Variants in ROBO1 observed in about 807,000 individuals in gnomAD.
ROBO1 encodes roundabout homolog 1.
In ROBO1, 149 loss-of-function variants were observed where a neutral mutation model predicts 195.9. That is an observed-to-expected ratio of 0.76 (90% confidence interval 0.67 to 0.87). ROBO1 has a LOEUF of 0.87. Ranked by LOEUF, ROBO1 falls within the 40% of genes least tolerant of loss-of-function variation. The pLI, the probability that ROBO1 is intolerant of heterozygous loss-of-function variation, is 0.00. For synonymous variants in ROBO1, 816 were observed against 733.2 expected (o/e 1.11, Z -1.82); for missense variants, 1,933 against 2,068.3 (o/e 0.93, Z 1.27).
intron 25 of ROBO1, among the ~76,000 whole-genome samples, chr3:78,629,528 C>T (rs1705044019): frequency 6.6e-6 from 1 of 151,850 alleles, no homozygotes; most frequent in South Asian, 2.1e-4. Context: ...ATCATCTCTA[C>T]AAAAAAATAA....
chr3:78,763,519 C>A (rs952879453), intron 4 of ROBO1, among the ~76,000 whole-genome samples: 1 of 152,156 alleles, frequency 6.6e-6, no homozygotes, highest in Non-Finnish European at 1.5e-5. Flanking sequence ...TAACTACATT[C>A]ACATGTGTTC....
intron 1 of ROBO1, among the ~76,000 whole-genome samples, chr3:79,642,027 T>C (rs1302478224): frequency 6.6e-6 from 1 of 152,086 alleles, no homozygotes; most frequent in Non-Finnish European, 1.5e-5. Context: ...TTGTTTTGTT[T>C]TTTGTTTTTT....
rs928725329 is a variant in ROBO1, at chr3:79,550,197, AAAAG to A, written c.88+39623_88+39626del. Among the ~76,000 whole-genome samples the A allele has an allele frequency of 1.0e-4, 2 of 19,298 alleles. 1 individual carries two copies. The highest frequency in any genetic ancestry group is 2.7e-4 in the Non-Finnish European group (2 of 7,506). The allele number at this position is 19,298 out of a possible 152,430, so 12.7% of individuals were successfully genotyped here. A position where few individuals can be genotyped will look rare whatever the true frequency, so the allele number is the denominator to read the frequency against. ...AAAGAAAGAAAGAAAGAAAGAAAGG[AAAAG>A]AAAAGAAAAGAAAAGAAAAGAAAAG... On this transcript the variant is annotated intron_variant, in intron 2 of 30. Transcript: ENST00000464233.
At chr3:79,396,356 A>T (rs1046800986) in intron 2 of ROBO1, among the ~76,000 whole-genome samples, 4 of 152,126 alleles carry the variant, frequency 2.6e-5, no homozygotes, top group African/African-American at 9.6e-5. Flanking sequence ...ATCTTTTGAT[A>T]TATTCTATAC....
intron 4 of ROBO1, among the ~76,000 whole-genome samples, chr3:78,911,343 G>A (rs979158328): frequency 2.6e-5 from 4 of 152,012 alleles, no homozygotes; most frequent in African/African-American, 7.2e-5. Context: ...AGTAATGTAT[G>A]GAGAATTCAG....
chr3:79,224,898 A>G (rs1337912451), intron 2 of ROBO1, among the ~76,000 whole-genome samples: 1 of 152,146 alleles, frequency 6.6e-6, no homozygotes, highest in Non-Finnish European at 1.5e-5. Flanking sequence ...AAATACGTAA[A>G]TCATATGGCA....
chr3:79,047,211 G>T (rs2078610922), intron 3 of ROBO1, among the ~76,000 whole-genome samples: 3 of 152,122 alleles, frequency 2.0e-5, no homozygotes, highest in Non-Finnish European at 1.5e-5. Flanking sequence ...GGAGAATGTA[G>T]CAACACTATT....
chr3:79,165,777 G>A (rs975719251), intron 2 of ROBO1, among the ~76,000 whole-genome samples: 1 of 152,158 alleles, frequency 6.6e-6, no homozygotes, highest in African/African-American at 2.4e-5. Context: ...GCTTGGATAG[G>A]CTTCAATCCC....
chr3:79,061,344 A>G (rs1376672913), intron 3 of ROBO1, among the ~76,000 whole-genome samples: 3 of 152,204 alleles, frequency 2.0e-5, no homozygotes, highest in Admixed American at 6.5e-5. Context: ...GCTCAACGAA[A>G]TAAAAGAGGA....
intron 3 of ROBO1, among the ~76,000 whole-genome samples, chr3:79,099,611 A>C (rs567569254): frequency 1.3e-5 from 2 of 151,790 alleles, no homozygotes; most frequent in Non-Finnish European, 2.9e-5. Flanking sequence ...ATTTGTGTAG[A>C]TCACCATATT....
chr3:79,519,611 A>G (rs140944887), intron 2 of ROBO1, among the ~76,000 whole-genome samples: 1,488 of 127,640 alleles, frequency 0.012, 28 homozygotes, highest in African/African-American at 0.042. Flanking sequence ...CCTGGGTGAC[A>G]GAGCCAGACT....
chr3:79,204,868 T>C (rs2081836657), intron 2 of ROBO1, among the ~76,000 whole-genome samples: 2 of 152,204 alleles, frequency 1.3e-5, no homozygotes, highest in South Asian at 4.1e-4. Context: ...ACTTTGCACA[T>C]ACTTTTCTTG....
At chr3:79,020,478 G>T (rs545127792) in intron 3 of ROBO1, among the ~76,000 whole-genome samples, 1 of 152,150 alleles carries the variant, frequency 6.6e-6, no homozygotes, top group Non-Finnish European at 1.5e-5. Flanking sequence ...GATCATTTAA[G>T]GTCTGGAGTT....
At chr3:78,828,661 G>A (rs2031861389) in intron 4 of ROBO1, among the ~76,000 whole-genome samples, 1 of 151,620 alleles carries the variant, frequency 6.6e-6, no homozygotes, top group Non-Finnish European at 1.5e-5. Flanking sequence ...ATGGAATATT[G>A]TAACCATTAT....
At chr3:79,267,097 T>C (rs1362623243) in intron 2 of ROBO1, among the ~76,000 whole-genome samples, 1 of 151,486 alleles carries the variant, frequency 6.6e-6, no homozygotes, top group Admixed American at 6.6e-5. Flanking sequence ...AATTTATGAA[T>C]ATAAATTGTA....
In ROBO1 at chr3:79,465,379, T is replaced by C. The variant is rs894628062; in HGVS notation, c.88+124445A>G. Among the ~76,000 whole-genome samples the C allele has an allele frequency of 6.6e-5, 10 of 152,286 alleles. 1 individual carries two copies. Among genetic ancestry groups the C allele is most frequent in the Admixed American group, 5.2e-4 (8 of 15,298 alleles). ...TCTTCCAATTTAATTTTCTTAGTAGTGTTTTCCTTTATTTTGTTGGTTACG... is the reference window on the plus strand; with the variant it reads ...TCTTCCAATTTAATTTTCTTAGTAGCGTTTTCCTTTATTTTGTTGGTTACG... On this transcript the variant is annotated intron_variant, in intron 2 of 30. Coordinates refer to ENST00000464233, the MANE Select transcript of ROBO1 (RefSeq NM_002941.4).
intron 2 of ROBO1, among the ~76,000 whole-genome samples, chr3:79,191,104 A>G (rs973620226): frequency 2.6e-5 from 4 of 151,512 alleles, no homozygotes; most frequent in African/African-American, 9.7e-5. Context: ...ATGTTGGTTA[A>G]TTCTCGTGAT....
Position 79,247,189 on chromosome 3 carries a change from T to C in ROBO1, c.89-121650A>G, listed in dbSNP as rs1294480379. Reference sequence around the variant, plus strand: ...ATGGAGAGAAAGCTGTGAACATAGATAGAATTTTAAAATTACTGTAACTGT... The same window carrying C: ...ATGGAGAGAAAGCTGTGAACATAGACAGAATTTTAAAATTACTGTAACTGT... On this transcript the variant is annotated intron_variant, in intron 2 of 30. Coordinates refer to ENST00000464233, the MANE Select transcript of ROBO1 (RefSeq NM_002941.4). Among the ~76,000 whole-genome samples the C allele has an allele frequency of 3.3e-5, 5 of 149,296 alleles. No homozygotes were observed. In the East Asian group the frequency reaches 5.8e-4, roughly 17 times the overall value.
At chr3:79,234,786 T>C (rs1358898215) in intron 2 of ROBO1, among the ~76,000 whole-genome samples, 1 of 151,996 alleles carries the variant, frequency 6.6e-6, no homozygotes, top group African/African-American at 2.4e-5. Flanking sequence ...CTCATGGACA[T>C]AAAGATGGCA....
Sources: allele counts gnomAD v4.1 joint callset (sites outside exome capture counted in the v4.1 genomes callset), GRCh38; gene constraint gnomAD v4.1.1; transcripts MANE v1.5; gene names NCBI Gene and HGNC (gene_info 2026-07-23, HGNC 2026-07-21).